Variants in CAMTA1 observed in about 807,000 individuals in gnomAD.
CAMTA1 encodes calmodulin-binding transcription activator 1.
A neutral mutation model predicts 170.9 loss-of-function variants in CAMTA1; 27 were observed. That is an observed-to-expected ratio of 0.16 (90% CI 0.12 to 0.22). The LOEUF (loss-of-function observed/expected upper bound fraction) is 0.22. Ranked by LOEUF, CAMTA1 falls within the 10% of genes least tolerant of loss-of-function variation. The probability of loss-of-function intolerance (pLI) is 1.00; values close to 1 mark genes in which losing one functional copy is unlikely to be tolerated. For missense variants in CAMTA1, 1,619 were observed against 2,217.2 expected (o/e 0.73, Z 5.42); for synonymous variants, 833 against 891.5 (o/e 0.93, Z 1.17).
At chr1:7,068,451 A>G (rs1709241401) in intron 3 of CAMTA1, among the ~76,000 whole-genome samples, 2 of 152,028 alleles carry the variant, frequency 1.3e-5, no homozygotes, top group Admixed American at 1.3e-4. Flanking sequence ...CTTCTGAGAA[A>G]TTATTGAAAG....
rs55893283 is a variant in CAMTA1 at position 7,698,074 on chromosome 1, A to ACCCCC, written c.2914+20351_2914+20355dup. Reference sequence around the variant, plus strand: ...CAGGTCATGCTGGCCACGCACTGTGACCCCCCCCCCCCCCACCAACATGGC... The same window carrying ACCCCC: ...CAGGTCATGCTGGCCACGCACTGTGACCCCCCCCCCCCCCCCCCCACCAACATGGC... On this transcript the variant is annotated intron_variant, in intron 11 of 22. Transcript: ENST00000303635. Among the ~76,000 whole-genome samples the ACCCCC allele has an allele frequency of 1.5e-3, 145 of 98,586 alleles. 6 individuals carry two copies. Among genetic ancestry groups the ACCCCC allele is most frequent in the Non-Finnish European group, 2.4e-3 (110 of 45,970 alleles). The allele number at this position is 98,586 out of a possible 152,430, so 64.7% of individuals were successfully genotyped here. A position where few individuals can be genotyped will look rare whatever the true frequency, so the allele number is the denominator to read the frequency against.
Position 7,455,381 on chromosome 1 carries a change from C to CT in CAMTA1, c.439-12448dup, listed in dbSNP as rs2092926312. On this transcript the variant is annotated intron_variant, in intron 5 of 22. Coordinates refer to ENST00000303635, the MANE Select transcript of CAMTA1 (RefSeq NM_015215.4). This position sits in a 1 kb window ranked among gnomAD's most constrained non-coding sequence, Gnocchi z 5.0. The stretch of plus-strand genomic sequence containing the variant: ...CTGCCCAGCCCATTAATTCTGCATG[C>CT]TCAGGCCGAATTAACCTTGGCAAGC... Among the ~76,000 whole-genome samples, 1 of 152,220 alleles carries CT rather than the reference C, an allele frequency of 6.6e-6. No homozygotes were observed. Among genetic ancestry groups the CT allele is most frequent in the Non-Finnish European group, 1.5e-5 (1 of 68,032 alleles).
intron 5 of CAMTA1, among the ~76,000 whole-genome samples, chr1:7,347,314 T>C (rs1253276423): frequency 6.6e-6 from 1 of 152,100 alleles, no homozygotes; most frequent in African/African-American, 2.4e-5. Context: ...AGAGCCAAGC[T>C]CCGGAGAGGG....
chr1:7,575,107 A>G (rs2095174502), intron 6 of CAMTA1, among the ~76,000 whole-genome samples: 2 of 152,192 alleles, frequency 1.3e-5, no homozygotes, highest in Non-Finnish European at 2.9e-5. Flanking sequence ...AGTGGTGAGG[A>G]TCACATGAAA....
intron 5 of CAMTA1, among the ~76,000 whole-genome samples, chr1:7,439,229 T>G (rs780074211): frequency 2.6e-5 from 4 of 152,176 alleles, no homozygotes; most frequent in Non-Finnish European, 5.9e-5. Context: ...TCTGTCATAC[T>G]GCTTTCTGCC....
chr1:6,941,781 G>T (rs72638551), intron 3 of CAMTA1, among the ~76,000 whole-genome samples: 1 of 152,228 alleles, frequency 6.6e-6, no homozygotes, highest in South Asian at 2.1e-4. Flanking sequence ...TACAGGTGAG[G>T]CCTGCAGTTC....
intron 5 of CAMTA1, among the ~76,000 whole-genome samples, chr1:7,433,065 GT>G (rs1209618943): frequency 1.3e-5 from 2 of 152,226 alleles, no homozygotes; most frequent in Non-Finnish European, 2.9e-5. Flanking sequence ...CCGGCCCCCA[GT>G]CCCCATGGCT....
chr1:7,295,630 T>G (rs1474216650), intron 5 of CAMTA1, among the ~76,000 whole-genome samples: 1 of 152,214 alleles, frequency 6.6e-6, no homozygotes, highest in Non-Finnish European at 1.5e-5. Context: ...TGTGTGAAAT[T>G]TATTCATCAG....
At chr1:7,147,149 G>A (rs1474455463) in intron 4 of CAMTA1, among the ~76,000 whole-genome samples, 1 of 151,302 alleles carries the variant, frequency 6.6e-6, no homozygotes, top group Non-Finnish European at 1.5e-5. Context: ...AGCCAGGCAT[G>A]ATGGCTCACG....
rs1376770123 is a variant in CAMTA1, at chr1:6,819,577, A to G, written c.46-604A>G. On this transcript the variant is annotated intron_variant, in intron 1 of 22. Coordinates refer to ENST00000303635, the MANE Select transcript of CAMTA1 (RefSeq NM_015215.4). The stretch of plus-strand genomic sequence containing the variant: ...TTGGTTCTTAGCAAAAATTTCCTCT[A>G]TGTACAGCACACATACTTCCCATTT... 3.3e-5 allele frequency among the ~76,000 whole-genome samples: 5 copies of G among 152,210 alleles called. No homozygotes were observed. In the East Asian group the frequency reaches 7.7e-4, roughly 23 times the overall value.
intron 5 of CAMTA1, among the ~76,000 whole-genome samples, chr1:7,365,156 G>A (rs1424237978): frequency 6.6e-6 from 1 of 152,242 alleles, no homozygotes; most frequent in Non-Finnish European, 1.5e-5. Context: ...AGAGGTTGTC[G>A]GGAGGGAGGC....
intron 3 of CAMTA1, among the ~76,000 whole-genome samples, chr1:7,081,123 G>A (rs113913412): frequency 1.2e-3 from 183 of 152,324 alleles, no homozygotes; most frequent in Middle Eastern, 3.4e-3. Context: ...GAACAGAGCT[G>A]GTCTAAAGCA....
At chr1:7,095,267 C>A (rs1402204996) in intron 4 of CAMTA1, among the ~76,000 whole-genome samples, 1 of 152,208 alleles carries the variant, frequency 6.6e-6, no homozygotes, top group African/African-American at 2.4e-5. Context: ...GGACACCTCC[C>A]AGACCCTCAA....
At chr1:7,287,919 C>T (rs182305338) in intron 5 of CAMTA1, among the ~76,000 whole-genome samples, 71 of 152,270 alleles carry the variant, frequency 4.7e-4, no homozygotes, top group African/African-American at 1.7e-3. Flanking sequence ...TTTCATTGGC[C>T]AGAACTCAGT....
rs150804677 is a variant in CAMTA1 at position 7,015,902 on chromosome 1, G to A, written c.235-75402G>A. 4.5e-4 allele frequency among the ~76,000 whole-genome samples: 69 copies of A among 152,314 alleles called. 1 individual carries two copies. Among genetic ancestry groups the A allele is most frequent in the African/African-American group, 1.6e-3 (68 of 41,562 alleles). ...GGCATGTCCTGCATGGCTGGAGCAGGAGGAAGAGGGTGAAGGGACAGGTGC... is the reference window on the plus strand; with the variant it reads ...GGCATGTCCTGCATGGCTGGAGCAGAAGGAAGAGGGTGAAGGGACAGGTGC... On this transcript the variant is annotated intron_variant, in intron 3 of 22. Transcript: ENST00000303635.
At chr1:7,131,340 C>T (rs76136449) in intron 4 of CAMTA1, among the ~76,000 whole-genome samples, 1 of 152,014 alleles carries the variant, frequency 6.6e-6, no homozygotes, top group Non-Finnish European at 1.5e-5. Flanking sequence ...TTTCATGGTT[C>T]ATGCTTTTGG....
intron 6 of CAMTA1, among the ~76,000 whole-genome samples, chr1:7,497,284 C>G (rs1354736611): frequency 6.6e-6 from 1 of 152,110 alleles, no homozygotes; most frequent in Non-Finnish European, 1.5e-5. Flanking sequence ...AGGCCTGGAG[C>G]TAGAAGCCAG....
At chr1:6,855,214 T>C (rs1661843237) in intron 3 of CAMTA1, among the ~76,000 whole-genome samples, 1 of 152,126 alleles carries the variant, frequency 6.6e-6, no homozygotes. Context: ...ATTCCAAATT[T>C]GTATCAATCT....
intron 4 of CAMTA1, among the ~76,000 whole-genome samples, chr1:7,208,739 T>C (rs552958818): frequency 6.6e-6 from 1 of 152,296 alleles, no homozygotes; most frequent in South Asian, 2.1e-4. Flanking sequence ...TGGGGAAAGG[T>C]GTCATACCTG....
Sources: gnomAD v4.1 joint callset for allele counts (sites outside exome capture counted in the v4.1 genomes callset) on GRCh38, gnomAD v4.1.1 for gene constraint, Gnocchi (gnomAD v3.1) non-coding constraint, MANE v1.5 for transcripts, NCBI Gene and HGNC (gene_info 2026-07-23, HGNC 2026-07-21) for gene names.